MEIS1: variants seen among roughly 807,000 people sequenced by gnomAD.
MEIS1 encodes the protein Meis homeobox 1.
Under a neutral mutation model 50.8 loss-of-function variants are expected in MEIS1, and 5 were observed. That is an observed-to-expected ratio of 0.10 (90% CI 0.05 to 0.21). The LOEUF is 0.21. Among genes scored for constraint, MEIS1 ranks in the 10% least tolerant of loss-of-function variants. The pLI is 1.00. For missense variants in MEIS1, 318 were observed against 517.3 expected (o/e 0.61, Z 3.74); for synonymous variants, 176 against 179.3 (o/e 0.98, Z 0.15).
At chr2:66,500,058 C>T (rs1172603923) in intron 7 of MEIS1, among the ~76,000 whole-genome samples, 1 of 152,162 alleles carries the variant, frequency 6.6e-6, no homozygotes. Context: ...ACAAAGCTCT[C>T]AGCCTACAAA....
At chr2:66,559,191 C>A (rs1675150485) in intron 9 of MEIS1, among the ~76,000 whole-genome samples, 1 of 151,286 alleles carries the variant, frequency 6.6e-6, no homozygotes. Flanking sequence ...AACAAAAAAA[C>A]CTGATGTATA....
intron 6 of MEIS1, among the ~76,000 whole-genome samples, chr2:66,455,607 T>A (rs1672369753): frequency 6.6e-6 from 1 of 152,194 alleles, no homozygotes; most frequent in Admixed American, 6.5e-5. Context: ...ACCAGGCTGT[T>A]GAAAACTAGG....
chr2:66,499,030 C>T (rs889201063), intron 7 of MEIS1, among the ~76,000 whole-genome samples: 24 of 152,178 alleles, frequency 1.6e-4, no homozygotes, highest in African/African-American at 5.1e-4. Context: ...AACAAGCCTA[C>T]GTCCCTGACT....
At chr2:66,508,462 G>A (rs1673738227) in intron 7 of MEIS1, among the ~76,000 whole-genome samples, 1 of 152,142 alleles carries the variant, frequency 6.6e-6, no homozygotes, top group Admixed American at 6.5e-5. Flanking sequence ...CAATGAGGGG[G>A]AAAAAAGAGA....
intron 6 of MEIS1, among the ~76,000 whole-genome samples, chr2:66,444,100 C>T (rs1672069764): frequency 6.6e-6 from 1 of 152,086 alleles, no homozygotes; most frequent in South Asian, 2.1e-4. Context: ...TGAAACAGGG[C>T]TCAGAACAGT....
intron 8 of MEIS1, among the ~76,000 whole-genome samples, chr2:66,539,526 A>G (rs752917667): frequency 5.9e-5 from 9 of 152,184 alleles, no homozygotes; most frequent in Non-Finnish European, 1.3e-4. Flanking sequence ...TTCCAGCTCT[A>G]CTACTTACCA....
intron 8 of MEIS1, among the ~76,000 whole-genome samples, chr2:66,523,287 T>G (rs1400816917): frequency 6.6e-6 from 1 of 152,224 alleles, no homozygotes; most frequent in African/African-American, 2.4e-5. Flanking sequence ...CAGGACAGAA[T>G]GACAGATGTG....
chr2:66,520,202 C>T (rs1218913006), intron 8 of MEIS1, among the ~76,000 whole-genome samples: 8 of 151,842 alleles, frequency 5.3e-5, no homozygotes, highest in Non-Finnish European at 8.8e-5. Flanking sequence ...TGGCCGGGCG[C>T]GGTGGCTCAT....
chr2:66,556,061 A>AG (rs60383567), intron 9 of MEIS1, among the ~76,000 whole-genome samples: 3 of 138,638 alleles, frequency 2.2e-5, no homozygotes, highest in Admixed American at 1.5e-4. Context: ...AAACAAAAAC[A>AG]AAAAAAAACC....
intron 8 of MEIS1, 150 bp from the exon 9 acceptor site, chr2:66,547,793 C>T (rs1244799480): frequency 1.8e-5 from 12 of 676,280 alleles, no homozygotes; most frequent in Non-Finnish European, 3.1e-5. Flanking sequence ...TCTTTTACTG[C>T]CATTAATTAG....
intron 7 of MEIS1, among the ~76,000 whole-genome samples, chr2:66,498,546 G>C (rs1208564808): frequency 6.6e-6 from 1 of 152,120 alleles, no homozygotes; most frequent in African/African-American, 2.4e-5. Context: ...GGAGGAGCTG[G>C]GATTCATCCT....
At chr2:66,437,349 G>T in intron 1 of MEIS1, 1 of 212,560 alleles carries the variant, frequency 4.7e-6, no homozygotes, top group Non-Finnish European at 9.4e-6. Flanking sequence ...TTGCTGCAGT[G>T]TCCTGGCACG....
chr2:66,560,550 C>G (rs545161405), intron 9 of MEIS1, among the ~76,000 whole-genome samples: 7 of 149,864 alleles, frequency 4.7e-5, no homozygotes, highest in African/African-American at 1.7e-4. Flanking sequence ...TGCCACTACA[C>G]TCCAGCCTGG....
intron 6 of MEIS1, among the ~76,000 whole-genome samples, chr2:66,446,547 G>A (rs185605167): frequency 9.2e-5 from 14 of 152,290 alleles, no homozygotes; most frequent in African/African-American, 2.9e-4. Context: ...GCAGAGAAAT[G>A]GTCCCTTTGG....
chr2:66,508,157 C>T (rs902542816), intron 7 of MEIS1, among the ~76,000 whole-genome samples: 10 of 152,194 alleles, frequency 6.6e-5, no homozygotes, highest in Admixed American at 3.9e-4. Flanking sequence ...TCCCCCTGCT[C>T]GTTAGAAACC....
At chr2:66,524,965 T>G (rs1674212118) in intron 8 of MEIS1, among the ~76,000 whole-genome samples, 1 of 152,170 alleles carries the variant, frequency 6.6e-6, no homozygotes. Context: ...CCTAGCACTT[T>G]GGGAGACCAG....
At chr2:66,441,662 T>G (rs1461367450) in intron 5 of MEIS1, 198 bp downstream of exon 5, 1 of 541,622 alleles carries the variant, frequency 1.8e-6, no homozygotes, top group Admixed American at 4.1e-5. Context: ...AAAACTGGGA[T>G]CACAAACGCC....
intron 8 of MEIS1, among the ~76,000 whole-genome samples, chr2:66,546,383 T>C (rs1002763366): frequency 6.6e-6 from 1 of 152,190 alleles, no homozygotes; most frequent in Admixed American, 6.5e-5. Flanking sequence ...CAAGGCTGGA[T>C]GGTGACAGGC....
chr2:66,566,528 G>A (rs746152143), intron 9 of MEIS1, among the ~76,000 whole-genome samples: 2 of 151,968 alleles, frequency 1.3e-5, no homozygotes, highest in African/African-American at 4.8e-5. Flanking sequence ...GATTTGATAC[G>A]TAATTTTTAA....
Sources: gnomAD v4.1 joint callset for allele counts (sites outside exome capture counted in the v4.1 genomes callset) on GRCh38, gnomAD v4.1.1 for gene constraint, MANE v1.5 for transcripts, NCBI Gene and HGNC (gene_info 2026-07-23, HGNC 2026-07-21) for gene names.